Variants in PPIL6 observed in about 807,000 individuals in gnomAD.
The protein encoded by PPIL6 is probable inactive peptidyl-prolyl cis-trans isomerase-like 6.
Under a neutral mutation model 36.8 loss-of-function variants are expected in PPIL6, and 39 were observed. The observed-to-expected ratio is 1.06, with a 90% CI of 0.82 to 1.38. The LOEUF (loss-of-function observed/expected upper bound fraction) is 1.38, where lower values mean the gene tolerates loss of function less well. Among genes scored for constraint, PPIL6 ranks in the 40% most tolerant of loss-of-function variants. The pLI is 0.00. For synonymous variants in PPIL6, 123 were observed against 134.1 expected (o/e 0.92, Z 0.57); for missense variants, 368 against 379.1 (o/e 0.97, Z 0.24).
intron 6 of PPIL6, among the ~76,000 whole-genome samples, chr6:109,401,025 AATTTTTT>A (rs1772510739): frequency 7.7e-6 from 1 of 129,938 alleles, no homozygotes; most frequent in Admixed American, 7.5e-5. Flanking sequence ...ATGCCCGGCT[AATTTTTT>A]TTTTTTTTTT....
chr6:109,415,070 G>A (rs1773188179), intron 6 of PPIL6, among the ~76,000 whole-genome samples: 1 of 152,192 alleles, frequency 6.6e-6, no homozygotes, highest in Non-Finnish European at 1.5e-5. Context: ...TGAGGAGGAG[G>A]AAGAGAAGGA....
intron 6 of PPIL6, among the ~76,000 whole-genome samples, chr6:109,415,026 A>G (rs904925335): frequency 6.6e-6 from 1 of 152,230 alleles, no homozygotes; most frequent in Non-Finnish European, 1.5e-5. Context: ...GTGGATCATC[A>G]TAACAGTCTT....
Position 109,412,798 on chromosome 6 carries a change from G to A in PPIL6, c.688+6389C>T, listed in dbSNP as rs530063942. Among the ~76,000 whole-genome samples, 8 of 152,250 alleles carry A rather than the reference G, an allele frequency of 5.3e-5. No homozygotes were observed. In the South Asian group the frequency reaches 1.0e-3, roughly 20 times the overall value. Reference sequence around the variant, plus strand: ...TATGAAACTACTACAAGAAAACATCGAGGAAACTCTCTGGACAAATGGGAT... The same window carrying A: ...TATGAAACTACTACAAGAAAACATCAAGGAAACTCTCTGGACAAATGGGAT... On this transcript the variant is annotated intron_variant, in intron 6 of 7. Transcript: ENST00000521072.
chr6:109,407,488 C>T (rs1244321281), intron 6 of PPIL6, among the ~76,000 whole-genome samples: 3 of 152,120 alleles, frequency 2.0e-5, no homozygotes, highest in Admixed American at 6.5e-5. Flanking sequence ...ATCTGCCCGC[C>T]TCGGCCTCCC....
chr6:109,434,086 A>G (rs1222715132), intron 2 of PPIL6, among the ~76,000 whole-genome samples: 2 of 152,228 alleles, frequency 1.3e-5, no homozygotes, highest in Non-Finnish European at 2.9e-5. Flanking sequence ...GGTAGGTCAC[A>G]TAACAAGTTT....
Position 109,438,816 on chromosome 6 carries a change from C to T in PPIL6, c.135+1640G>A, listed in dbSNP as rs143975295. Among the ~76,000 whole-genome samples, 859 of 152,086 alleles carry T rather than the reference C, an allele frequency of 5.6e-3. 12 individuals carry two copies. The highest frequency in any genetic ancestry group is 0.02 in the African/African-American group (827 of 41,484). ...GTTGGCCAGGCTGGTCTTGAACTCC[C>T]GATTTCGTGATCTGCCCGCCTCAGC... On this transcript the variant is annotated intron_variant, in intron 1 of 7. Transcript: ENST00000521072.
intron 6 of PPIL6, among the ~76,000 whole-genome samples, chr6:109,403,706 T>TA (rs1039718726): frequency 2.6e-5 from 4 of 151,772 alleles, no homozygotes; most frequent in South Asian, 4.1e-4. Context: ...TTCCCTAGGT[T>TA]AAAAAAAAAT....
chr6:109,414,163 T>C (rs890083206), intron 6 of PPIL6, among the ~76,000 whole-genome samples: 13 of 152,186 alleles, frequency 8.5e-5, no homozygotes, highest in African/African-American at 3.1e-4. Flanking sequence ...CCCTATTTTA[T>C]ATGATGTGAT....
At chr6:109,398,184 C>T (rs1772381106) in intron 7 of PPIL6, among the ~76,000 whole-genome samples, 1 of 152,190 alleles carries the variant, frequency 6.6e-6, no homozygotes, top group Admixed American at 6.5e-5. Context: ...GCCACCGCGT[C>T]CAGCCTTAAA....
At chr6:109,441,140 C>T (rs150479732), upstream of PPIL6, 136 of 1,614,204 alleles carry the variant, frequency 8.4e-5, 2 homozygotes, top group African/African-American at 1.7e-3. Flanking sequence ...CAACTTCTCC[C>T]TGCGACTGCG....
intron 7 of PPIL6, among the ~76,000 whole-genome samples, chr6:109,399,599 T>C (rs112065501): frequency 4.6e-5 from 7 of 152,146 alleles, no homozygotes; most frequent in African/African-American, 1.7e-4. Flanking sequence ...GACGGGGTTT[T>C]ACCATGTTGG....
chr6:109,431,889 G>A (rs1774175874), intron 2 of PPIL6, among the ~76,000 whole-genome samples: 1 of 152,092 alleles, frequency 6.6e-6, no homozygotes. Flanking sequence ...AAACACTTGA[G>A]CCTCTATTTT....
chr6:109,390,724 T>C lies in PPIL6; in HGVS notation c.*2102A>G, dbSNP rs1772067180. 6.6e-6 allele frequency: 1 copy of C among 152,194 alleles called. No homozygotes were observed. Among genetic ancestry groups the C allele is most frequent in the African/African-American group, 2.4e-5 (1 of 41,436 alleles). 9.4% of individuals were successfully genotyped at this position (152,194 alleles called of 1,614,324 possible). ...TGAATATACTCATGATAAAATGGCA[T>C]CACACACATTGTACCAATGTCAGCT... On this transcript the variant is annotated 3_prime_UTR_variant, in exon 8 of 8. Coordinates refer to ENST00000521072, the MANE Select transcript of PPIL6 (RefSeq NM_173672.5).
At chr6:109,430,039 TC>T (rs1774048297) in intron 3 of PPIL6, among the ~76,000 whole-genome samples, 1 of 152,174 alleles carries the variant, frequency 6.6e-6, no homozygotes, top group Admixed American at 6.5e-5. Context: ...ATTAAATGCC[TC>T]CCCACACCCC....
At chr6:109,428,554 A>G (rs1482731469) in intron 3 of PPIL6, among the ~76,000 whole-genome samples, 1 of 71,412 alleles carries the variant, frequency 1.4e-5, no homozygotes, top group Non-Finnish European at 3.2e-5. Context: ...CCCTATGAAG[A>G]AAAAAAAAAA....
chr6:109,424,738 ATGAGAG>A (rs1773728119), intron 5 of PPIL6, among the ~76,000 whole-genome samples: 1 of 152,228 alleles, frequency 6.6e-6, no homozygotes, highest in African/African-American at 2.4e-5. Flanking sequence ...CAAGATGGCG[ATGAGAG>A]TGACCTCTGG....
intron 5 of PPIL6, among the ~76,000 whole-genome samples, chr6:109,424,859 T>C (rs1773733356): frequency 1.3e-5 from 2 of 152,224 alleles, no homozygotes; most frequent in South Asian, 2.1e-4. Context: ...GCATGAATTA[T>C]CCACCTTTAG....
At position 109,431,282 on chromosome 6, in the gene PPIL6, G is replaced by A. The variant is rs765130661; in HGVS notation, c.295C>T (p.Leu99=). 8.7e-6 allele frequency: 14 copies of A among 1,604,824 alleles called. No homozygotes were observed. The highest frequency in any genetic ancestry group is 1.2e-5 in the Non-Finnish European group (14 of 1,177,536). The change falls in exon 3 of 8, where the codon CTG becomes TTG. Residue 99 remains leucine (L), a synonymous_variant. Transcript: ENST00000521072. ...SVISFVNGQF[L]GDALDLQKWA... ...TTCTGCAGATCCAATGCATCACCCA[G>A]AAACTGACCATTAACAAAAGAAATC...
chr6:109,440,494 T>A lies in PPIL6; in HGVS notation c.97A>T (p.Ser33Cys). The A allele has an allele frequency of 6.5e-7, 1 of 1,538,380 alleles. No individual in the cohort carries two copies. The highest frequency in any genetic ancestry group is 8.8e-7 in the Non-Finnish European group (1 of 1,141,984). Reference sequence around the variant, plus strand: ...TTCGCAATCTGAAAGTTGGGGCAGCTGAAGAGCCCCACCACCTTCACCTGC... The same window carrying A: ...TTCGCAATCTGAAAGTTGGGGCAGCAGAAGAGCCCCACCACCTTCACCTGC... Reference protein sequence around the residue: ...PLQVKVVGLFSCPNFQIAKSA... With the variant: ...PLQVKVVGLFCCPNFQIAKSA... Residue 33 changes from serine to cysteine, a missense_variant, in exon 1 of 8, where the codon AGC becomes TGC. Coordinates refer to ENST00000521072, the MANE Select transcript of PPIL6 (RefSeq NM_173672.5).
Sources: allele counts gnomAD v4.1 joint callset (sites outside exome capture counted in the v4.1 genomes callset), GRCh38; gene constraint gnomAD v4.1.1; transcripts MANE v1.5; gene names NCBI Gene and HGNC (gene_info 2026-07-23, HGNC 2026-07-21).